NCAPG2: variants seen among roughly 807,000 people sequenced by gnomAD.
The protein encoded by NCAPG2 is non-SMC condensin II complex subunit G2.
A neutral mutation model predicts 141.1 loss-of-function variants in NCAPG2; 53 were observed. The observed-to-expected ratio is 0.38, with a 90% confidence interval of 0.30 to 0.47. NCAPG2 has a LOEUF of 0.47. NCAPG2 is among the 20% of genes least tolerant of loss of function. The pLI, the probability that NCAPG2 is intolerant of heterozygous loss-of-function variation, is 0.99. For synonymous variants in NCAPG2, 499 were observed against 490.7 expected (o/e 1.02, Z -0.22); for missense variants, 1,087 against 1,389.0 (o/e 0.78, Z 3.46).
At chr7:158,638,453 T>C (rs920497756) in intron 27 of NCAPG2, among the ~76,000 whole-genome samples, 14 of 152,094 alleles carry the variant, frequency 9.2e-5, no homozygotes, top group African/African-American at 3.4e-4. Context: ...TTGCTCAAAC[T>C]GGTCTTGAAC....
chr7:158,701,963 A>G (rs889083666), intron 1 of NCAPG2, 25 bp from the exon 2 acceptor site: 10 of 1,301,606 alleles, frequency 7.7e-6, no homozygotes, highest in Non-Finnish European at 9.7e-6. Flanking sequence ...AATCATACTG[A>G]AACACTTGCA....
At chr7:158,672,290 G>GTATATA (rs1563549296) in intron 12 of NCAPG2, among the ~76,000 whole-genome samples, 2 of 24,708 alleles carry the variant, frequency 8.1e-5, no homozygotes, top group African/African-American at 3.3e-4. Flanking sequence ...GTGTGTGTGT[G>GTATATA]TGTATATATA....
At chr7:158,677,151 C>T (rs901047083) in intron 11 of NCAPG2, among the ~76,000 whole-genome samples, 2 of 152,074 alleles carry the variant, frequency 1.3e-5, no homozygotes, top group Non-Finnish European at 2.9e-5. Context: ...TTCTAAACCA[C>T]GTGTGTCATC....
chr7:158,665,546 A>C (rs1165255145), intron 13 of NCAPG2, among the ~76,000 whole-genome samples: 1 of 152,210 alleles, frequency 6.6e-6, no homozygotes, highest in Non-Finnish European at 1.5e-5. Context: ...CCTTGCTCCA[A>C]GGACCAATCC....
intron 16 of NCAPG2, 78 bp from the exon 17 acceptor site, chr7:158,658,486 T>C: frequency 7.7e-7 from 1 of 1,300,020 alleles, no homozygotes; most frequent in Non-Finnish European, 1.0e-6. Flanking sequence ...CGTAAATTCC[T>C]GATAACTTAC....
chr7:158,679,240 C>T (rs1355901947), intron 11 of NCAPG2, among the ~76,000 whole-genome samples: 2 of 152,210 alleles, frequency 1.3e-5, no homozygotes, highest in Non-Finnish European at 2.9e-5. Context: ...TTCAGAAGCA[C>T]CACAGGCAAC....
chr7:158,663,226 CTCA>C (rs1218801205), intron 15 of NCAPG2, among the ~76,000 whole-genome samples: 1 of 152,232 alleles, frequency 6.6e-6, no homozygotes, highest in East Asian at 1.9e-4. Flanking sequence ...AGAGAAGAAA[CTCA>C]AACTCCACCG....
In NCAPG2 at chr7:158,683,862, G is replaced by A. The variant is rs73165342; in HGVS notation, c.838-476C>T. On this transcript the variant is annotated intron_variant, in intron 8 of 27. Transcript: ENST00000356309. ...TTCAGGGCCACTGTTGACAAGGGCT[G>A]AGCAAGGAAGGTGTGTGGGAAGCCC... Among the ~76,000 whole-genome samples the A allele has an allele frequency of 8.8e-3, 1,335 of 152,318 alleles. 13 individuals carry two copies. Among genetic ancestry groups the A allele is most frequent in the Non-Finnish European group, 0.012 (820 of 68,028 alleles).
At chr7:158,693,241 C>T (rs1406429199) in intron 3 of NCAPG2, 68 bp downstream of exon 3, 1 of 1,465,730 alleles carries the variant, frequency 6.8e-7, no homozygotes, top group Admixed American at 2.1e-5. Context: ...TTCAATGATA[C>T]ACAGTGAAGT....
intron 2 of NCAPG2, among the ~76,000 whole-genome samples, chr7:158,700,143 G>A (rs921066819): frequency 3.9e-5 from 6 of 152,136 alleles, no homozygotes; most frequent in African/African-American, 7.2e-5. Context: ...ATGAAACCAC[G>A]TGATGCACAA....
intron 15 of NCAPG2, among the ~76,000 whole-genome samples, chr7:158,663,011 A>C (rs2129460171): frequency 6.6e-6 from 1 of 152,320 alleles, no homozygotes; most frequent in African/African-American, 2.4e-5. Context: ...GTAAACTACA[A>C]ACACACTCTA....
chr7:158,632,799 T>G (rs1829974674), intron 27 of NCAPG2, among the ~76,000 whole-genome samples: 1 of 152,228 alleles, frequency 6.6e-6, no homozygotes, highest in Non-Finnish European at 1.5e-5. Context: ...AAAATTCATC[T>G]TAATATATTT....
At chr7:158,664,355 T>C (rs1832756184) in intron 14 of NCAPG2, 59 bp from the exon 15 acceptor site, 5 of 1,539,480 alleles carry the variant, frequency 3.2e-6, no homozygotes, top group African/African-American at 2.7e-5. Flanking sequence ...AAATTAACTA[T>C]CTGATAGTGA....
chr7:158,649,876 T>C lies in NCAPG2; in HGVS notation c.3075+956A>G, dbSNP rs375519244. On this transcript the variant is annotated intron_variant, in intron 24 of 27. Coordinates refer to ENST00000356309, the MANE Select transcript of NCAPG2 (RefSeq NM_017760.7). ...GGAAAACAACACCCTGAATATTCCA[T>C]GTGGGAAAACACCACTTTTTGTTTT... 3.1e-4 allele frequency among the ~76,000 whole-genome samples: 47 copies of C among 151,938 alleles called. No homozygotes were observed. The South Asian group carries it at 5.1e-3, about 16-fold the overall frequency.
chr7:158,672,261 T>A (rs1833734747), intron 12 of NCAPG2, among the ~76,000 whole-genome samples: 1 of 139,196 alleles, frequency 7.2e-6, no homozygotes, highest in Admixed American at 7.4e-5. Flanking sequence ...TAAAAGTATA[T>A]ACGGTATTCC....
chr7:158,689,783 G>A, intron 6 of NCAPG2, 36 bp downstream of exon 6: 3 of 1,521,412 alleles, frequency 2.0e-6, no homozygotes, highest in East Asian at 2.3e-5. Flanking sequence ...TTAAGAAGCA[G>A]CTCACAAACA....
At chr7:158,647,387 C>T (rs994330265) in intron 24 of NCAPG2, among the ~76,000 whole-genome samples, 5 of 152,214 alleles carry the variant, frequency 3.3e-5, no homozygotes, top group African/African-American at 4.8e-5. Context: ...CATCACAGTG[C>T]CCCCTGCAGG....
chr7:158,683,205 C>T, intron 9 of NCAPG2, 95 bp downstream of exon 9: 3 of 1,068,302 alleles, frequency 2.8e-6, no homozygotes, highest in Non-Finnish European at 4.0e-6. Context: ...TAACTGATGT[C>T]TGTGAAAGCT....
intron 8 of NCAPG2, among the ~76,000 whole-genome samples, chr7:158,685,369 A>G (rs1445145190): frequency 1.3e-5 from 2 of 152,190 alleles, no homozygotes; most frequent in Admixed American, 1.3e-4. Flanking sequence ...GCAATTTTAA[A>G]TTTTCTAGTG....
Sources: allele counts gnomAD v4.1 joint callset (sites outside exome capture counted in the v4.1 genomes callset), GRCh38; gene constraint gnomAD v4.1.1; transcripts MANE v1.5; gene names NCBI Gene and HGNC (gene_info 2026-07-23, HGNC 2026-07-21).